The following ST8SIA1 variants were observed in gnomAD, a reference collection of about 807,000 sequenced individuals.
ST8SIA1 encodes the protein ST8 alpha-N-acetyl-neuraminide alpha-2,8-sialyltransferase 1.
Under a neutral mutation model 35.9 loss-of-function variants are expected in ST8SIA1, and 16 were observed. The observed-to-expected ratio is 0.45, with a 90% CI of 0.30 to 0.68. ST8SIA1 has a LOEUF of 0.68. ST8SIA1 is among the 30% of genes least tolerant of loss of function. ST8SIA1 has a pLI of 0.09. For synonymous variants in ST8SIA1, 170 were observed against 169.6 expected (o/e 1.00, Z -0.02); for missense variants, 383 against 453.6 (o/e 0.84, Z 1.41).
chr12:22,220,551 T>A (rs1380560688), intron 4 of ST8SIA1, among the ~76,000 whole-genome samples: 2 of 152,158 alleles, frequency 1.3e-5, no homozygotes, highest in African/African-American at 2.4e-5. Context: ...AAGTCTAACT[T>A]TTTTCCCCCT....
chr12:22,256,311 C>T (rs980403779), intron 2 of ST8SIA1, among the ~76,000 whole-genome samples: 2 of 152,080 alleles, frequency 1.3e-5, no homozygotes, highest in African/African-American at 4.8e-5. Flanking sequence ...CTGAGTGTTC[C>T]CTGAAGTGCT....
At chr12:22,249,184 T>C in intron 3 of ST8SIA1, 86 bp from the exon 4 acceptor site, 1 of 917,836 alleles carries the variant, frequency 1.1e-6, no homozygotes, top group South Asian at 1.5e-5. Context: ...ATGTTATTAA[T>C]TCTAGCTGAA....
chr12:22,260,925 G>A (rs1258791591), intron 2 of ST8SIA1, among the ~76,000 whole-genome samples: 2 of 134,740 alleles, frequency 1.5e-5, no homozygotes, highest in Non-Finnish European at 1.5e-5. Context: ...CCCCCAGGCT[G>A]GAGTGCAGTG....
intron 1 of ST8SIA1, among the ~76,000 whole-genome samples, chr12:22,307,349 A>AAACCCTCCAATATCTTGGTATGGTTT (rs1866398298): frequency 6.6e-6 from 1 of 152,148 alleles, no homozygotes; most frequent in Non-Finnish European, 1.5e-5. Context: ...CCCCAGAAAG[A>AAACCCTCCAATATCTTGGTATGGTTT]AACCCTCCAA....
chr12:22,216,870 T>C (rs1333790983), intron 4 of ST8SIA1, among the ~76,000 whole-genome samples: 2 of 152,226 alleles, frequency 1.3e-5, no homozygotes, highest in Non-Finnish European at 2.9e-5. Flanking sequence ...TGCTATTTCT[T>C]TTTTAAGGAA....
chr12:22,235,892 CCACACA>C (rs3831855), intron 4 of ST8SIA1, among the ~76,000 whole-genome samples: 4 of 149,400 alleles, frequency 2.7e-5, no homozygotes, highest in Non-Finnish European at 5.9e-5. Flanking sequence ...ATTCCCTTCA[CCACACA>C]CACACACACA....
chr12:22,247,026 C>T (rs1865612094), intron 4 of ST8SIA1, among the ~76,000 whole-genome samples: 1 of 151,940 alleles, frequency 6.6e-6, no homozygotes, highest in Admixed American at 6.6e-5. Context: ...TGACCCTGTC[C>T]TTCCTCCATT....
At chr12:22,327,347 C>A (rs34578656) in intron 1 of ST8SIA1, among the ~76,000 whole-genome samples, 46,039 of 152,100 alleles carry the variant, frequency 0.3, 7,662 homozygotes, top group Middle Eastern at 0.47. Context: ...GGCCCCACAG[C>A]ACCAAATCAA....
At chr12:22,327,978 T>C (rs1164270529) in intron 1 of ST8SIA1, among the ~76,000 whole-genome samples, 1 of 152,264 alleles carries the variant, frequency 6.6e-6, no homozygotes, top group Non-Finnish European at 1.5e-5. Context: ...TCAATGGTTC[T>C]CAGTCAGGGG....
At chr12:22,210,712 T>A (rs565051996) in intron 4 of ST8SIA1, among the ~76,000 whole-genome samples, 1 of 152,346 alleles carries the variant, frequency 6.6e-6, no homozygotes, top group South Asian at 2.1e-4. Context: ...AACGTTCACA[T>A]TTACTGGTTT....
At chr12:22,238,816 T>C (rs1290129237) in intron 4 of ST8SIA1, among the ~76,000 whole-genome samples, 1 of 152,238 alleles carries the variant, frequency 6.6e-6, no homozygotes, top group African/African-American at 2.4e-5. Flanking sequence ...TATTGATATG[T>C]TTAGCAATTC....
chr12:22,212,767 T>C (rs1338496139), intron 4 of ST8SIA1, among the ~76,000 whole-genome samples: 1 of 152,152 alleles, frequency 6.6e-6, no homozygotes, highest in African/African-American at 2.4e-5. Flanking sequence ...CCCAAACTGA[T>C]CCCTGGGGAC....
intron 2 of ST8SIA1, among the ~76,000 whole-genome samples, chr12:22,273,012 G>A (rs570660380): frequency 5.3e-5 from 8 of 152,212 alleles, no homozygotes; most frequent in Non-Finnish European, 5.9e-5. Flanking sequence ...AAAAGCGCTC[G>A]GGGTCACCCT....
At chr12:22,299,016 C>A (rs1866283339) in intron 1 of ST8SIA1, among the ~76,000 whole-genome samples, 1 of 151,128 alleles carries the variant, frequency 6.6e-6, no homozygotes, top group Admixed American at 6.6e-5. Context: ...CGACAACTGG[C>A]AAAAGGGAAG....
At chr12:22,252,381 T>A (rs1468891654) in intron 3 of ST8SIA1, among the ~76,000 whole-genome samples, 2 of 152,224 alleles carry the variant, frequency 1.3e-5, no homozygotes, top group Non-Finnish European at 2.9e-5. Flanking sequence ...ACATTAAGCA[T>A]GCCCCAAAAT....
At chr12:22,249,436 G>A (rs953260587) in intron 3 of ST8SIA1, among the ~76,000 whole-genome samples, 1 of 151,988 alleles carries the variant, frequency 6.6e-6, no homozygotes, top group Non-Finnish European at 1.5e-5. Context: ...TATCCAGGAC[G>A]GTCTCGATCT....
intron 2 of ST8SIA1, among the ~76,000 whole-genome samples, chr12:22,286,307 A>G (rs1451721803): frequency 6.6e-6 from 1 of 152,184 alleles, no homozygotes; most frequent in East Asian, 1.9e-4. Context: ...CCTGTGCCTC[A>G]GCTTTGTGGG....
In ST8SIA1 at chr12:22,195,618, G is replaced by T. The variant is rs1236057845; in HGVS notation, c.*5934C>A. The T allele has an allele frequency of 6.6e-6, 1 of 152,092 alleles. No individual in the cohort carries two copies. The highest frequency in any genetic ancestry group is 1.5e-5 in the Non-Finnish European group (1 of 68,008). 9.4% of individuals were successfully genotyped at this position (152,092 alleles called of 1,614,324 possible). On this transcript the variant is annotated 3_prime_UTR_variant, in exon 5 of 5. Transcript: ENST00000396037. ...TATTCATTATTAACCATAACAGCTG[G>T]ATGACAAGATATTTCCTTTAAAATA... is the stretch of plus-strand genomic sequence containing the variant.
chr12:22,285,209 T>C (rs928644593), intron 2 of ST8SIA1, among the ~76,000 whole-genome samples: 2 of 152,220 alleles, frequency 1.3e-5, no homozygotes, highest in Non-Finnish European at 2.9e-5. Flanking sequence ...AGATTTGAAA[T>C]GAGGAGGAGA....
Sources: gnomAD v4.1 joint callset for allele counts (sites outside exome capture counted in the v4.1 genomes callset) on GRCh38, gnomAD v4.1.1 for gene constraint, MANE v1.5 for transcripts, NCBI Gene and HGNC (gene_info 2026-07-23, HGNC 2026-07-21) for gene names.